Variants in XPOT observed in about 807,000 individuals in gnomAD.
The protein encoded by XPOT is exportin for tRNA.
XPOT carries 34 observed loss-of-function variants against 128.2 expected under a neutral mutation model. The ratio of observed to expected loss-of-function variants is 0.27; its 90% confidence interval spans 0.20 to 0.35. The LOEUF (loss-of-function observed/expected upper bound fraction) is 0.35. Among genes scored for constraint, XPOT ranks in the 10% least tolerant of loss-of-function variants. XPOT has a pLI of 1.00. For synonymous variants in XPOT, 348 were observed against 394.3 expected, an observed-to-expected ratio of 0.88 and a Z score of 1.39; for missense variants, 838 against 1,125.3, an observed-to-expected ratio of 0.74 and a Z score of 3.65.
intron 1 of XPOT, among the ~76,000 whole-genome samples, chr12:64,406,899 G>A (rs2039988905): frequency 6.6e-6 from 1 of 152,052 alleles, no homozygotes; most frequent in African/African-American, 2.4e-5. Context: ...GCCCCAAGTC[G>A]TTTCCATTCC....
At chr12:64,447,169 A>G (rs999672415) in intron 24 of XPOT, among the ~76,000 whole-genome samples, 64 of 152,156 alleles carry the variant, frequency 4.2e-4, no homozygotes, top group Non-Finnish European at 5.6e-4. Flanking sequence ...CCATGATTCA[A>G]TCATCTCCCA....
At chr12:64,427,117 C>CTTT (rs869255660) in intron 15 of XPOT, among the ~76,000 whole-genome samples, 8 of 128,742 alleles carry the variant, frequency 6.2e-5, no homozygotes, top group South Asian at 2.5e-4. Flanking sequence ...TACTCCCGAC[C>CTTT]TTTTTTTTTT....
chr12:64,424,573 A>G, intron 11 of XPOT, 26 bp from the exon 12 acceptor site: 1 of 1,609,270 alleles, frequency 6.2e-7, no homozygotes, highest in South Asian at 1.1e-5. Context: ...AAGTTTTTTG[A>G]ATGAGGATTT....
intron 23 of XPOT, 98 bp from the exon 24 acceptor site, chr12:64,444,972 TAAAAA>T: frequency 1.6e-6 from 1 of 608,056 alleles, no homozygotes; most frequent in Non-Finnish European, 2.5e-6. Context: ...GACCATCTCT[TAAAAA>T]AAAAAAAAAA....
At chr12:64,415,108 T>C in intron 3 of XPOT, 119 bp downstream of exon 3, 1 of 667,180 alleles carries the variant, frequency 1.5e-6, no homozygotes, top group Non-Finnish European at 2.6e-6. Flanking sequence ...TTTTTTTTTT[T>C]TGCAAAGCCA....
chr12:64,434,986 T>C, intron 21 of XPOT, 77 bp downstream of exon 21: 2 of 1,235,158 alleles, frequency 1.6e-6, no homozygotes, highest in Non-Finnish European at 2.3e-6. Context: ...AGGTTGATTA[T>C]ATTATGTTTC....
chr12:64,417,950 T>C lies in XPOT; in HGVS notation c.201-96T>C, dbSNP rs2040102849. The C allele has an allele frequency of 2.3e-5, 20 of 887,080 alleles. No individual in the cohort carries two copies. The East Asian group carries it at 5.2e-4, about 23-fold the overall frequency. The allele number at this position is 887,080 out of a possible 1,614,324, so 55.0% of individuals were successfully genotyped here. ...GGGAACTTCAGATAATTGAGAGCTA[T>C]ACAAATTTTCCCTTTCAAATATATG... is the stretch of plus-strand genomic sequence containing the variant. On this transcript the variant is annotated intron_variant, in intron 4 of 24. Coordinates refer to ENST00000332707, the MANE Select transcript of XPOT (RefSeq NM_007235.6).
Position 64,425,777 on chromosome 12 carries a change from A to T in XPOT, c.1573-38A>T, listed in dbSNP as rs553069364. On this transcript the variant is annotated intron_variant, in intron 14 of 24. Transcript: ENST00000332707. Reference sequence around the variant, plus strand: ...CAGGACAATATCAACAAAACCCTTGAAAAAATGCAGAAATAGTAAAAGTGT... The same window carrying T: ...CAGGACAATATCAACAAAACCCTTGTAAAAATGCAGAAATAGTAAAAGTGT... 4.7e-5 allele frequency: 75 copies of T among 1,596,616 alleles called. 2 individuals are homozygous for T. The South Asian group carries it at 8.0e-4, about 17-fold the overall frequency.
intron 5 of XPOT, 102 bp downstream of exon 5, chr12:64,418,217 T>A: frequency 4.4e-6 from 4 of 904,270 alleles, no homozygotes; most frequent in Middle Eastern, 3.3e-4. Context: ...TCAGTGTTCC[T>A]CCATTTGATT....
At chr12:64,419,601 G>A (rs1314220614) in intron 6 of XPOT, among the ~76,000 whole-genome samples, 1 of 152,152 alleles carries the variant, frequency 6.6e-6, no homozygotes, top group African/African-American at 2.4e-5. Context: ...GAGCCACTGC[G>A]CCCAGCCTAA....
intron 15 of XPOT, among the ~76,000 whole-genome samples, chr12:64,427,101 T>G: frequency 6.6e-6 from 1 of 151,052 alleles, no homozygotes; most frequent in East Asian, 1.9e-4. Context: ...TCAGGTCAGG[T>G]AGATGTACTC....
chr12:64,414,823 C>T (rs769580539), intron 2 of XPOT, 84 bp from the exon 3 acceptor site: 1 of 827,322 alleles, frequency 1.2e-6, no homozygotes, highest in Non-Finnish European at 2.1e-6. Flanking sequence ...TATAGGTTTG[C>T]AACTCTCAGA....
At chr12:64,411,535 G>A (rs562844411) in intron 2 of XPOT, among the ~76,000 whole-genome samples, 59 of 152,242 alleles carry the variant, frequency 3.9e-4, no homozygotes, top group African/African-American at 1.4e-3. Flanking sequence ...TAATACAGAA[G>A]CTCTGCTTTT....
Position 64,425,824 on chromosome 12 carries a change from T to A in XPOT, c.1582T>A (p.Leu528Ile). The change falls in exon 15 of 25, where the codon TTA becomes ATA. Residue 528 changes from leucine to isoleucine, a missense_variant. Physicochemically the swap from Leu to Ile is conservative, Grantham distance 5 (BLOSUM62 2). Coordinates refer to ENST00000332707, the MANE Select transcript of XPOT (RefSeq NM_007235.6). ...QHIPCVLMAF[L>I]DHRGLRHSSA... ...GTGTCTCCTTCTTTAGATGGCTTTCTTAGATCACAGAGGTCTGCGGCATTC... is the reference window on the plus strand; with the variant it reads ...GTGTCTCCTTCTTTAGATGGCTTTCATAGATCACAGAGGTCTGCGGCATTC... 6.2e-7 allele frequency: 1 copy of A among 1,613,962 alleles called. No homozygotes were observed. Among genetic ancestry groups the A allele is most frequent in the Non-Finnish European group, 8.5e-7 (1 of 1,179,954 alleles).
rs1345566836 is a variant in XPOT, at chr12:64,431,643, C to G, written c.2082C>G (p.Pro694=). ...LQTFLPALSC[P]LQKDILRSGV... The stretch of plus-strand genomic sequence containing the variant: ...CATTCTTGCCAGCCCTCAGTTGTCC[C>G]TTACAAAAGGATATTCTCAGAAGTG... Residue 694 remains proline, a synonymous_variant, in exon 18 of 25, where the codon CCC becomes CCG. Transcript: ENST00000332707. 6.2e-7 allele frequency: 1 copy of G among 1,613,788 alleles called. No homozygotes were observed. Among genetic ancestry groups the G allele is most frequent in the African/African-American group, 1.3e-5 (1 of 74,908 alleles).
rs1364613484 is a variant in XPOT, at chr12:64,448,428, A to G, written c.*297A>G. The G allele has an allele frequency of 3.1e-6, 1 of 325,490 alleles. No homozygotes were observed. The highest frequency in any genetic ancestry group is 5.6e-6 in the Non-Finnish European group (1 of 177,066). The allele number at this position is 325,490 out of a possible 1,614,324, so 20.2% of individuals were successfully genotyped here. On this transcript the variant is annotated 3_prime_UTR_variant, in exon 25 of 25. Coordinates refer to ENST00000332707, the MANE Select transcript of XPOT (RefSeq NM_007235.6). ...TTTGAAATTTTAAGTCAAGTCCTTTATAAAGACCATAGCAGTGGAAAACAG... is the reference window on the plus strand; with the variant it reads ...TTTGAAATTTTAAGTCAAGTCCTTTGTAAAGACCATAGCAGTGGAAAACAG...
chr12:64,406,400 C>T (rs1298390475), intron 1 of XPOT, among the ~76,000 whole-genome samples: 1 of 147,750 alleles, frequency 6.8e-6, no homozygotes, highest in South Asian at 2.2e-4. Context: ...TGGAGTTTCG[C>T]TCTCGTTGAC....
chr12:64,420,326 G>A (rs2040126740), intron 7 of XPOT, 27 bp from the exon 8 acceptor site: 2 of 1,603,132 alleles, frequency 1.2e-6, no homozygotes, highest in Non-Finnish European at 1.7e-6. Context: ...CTTTGAAAAT[G>A]TTACAATTTT....
Position 64,418,972 on chromosome 12 carries a change from A to G in XPOT, c.367A>G (p.Lys123Glu). The change falls in exon 6 of 25, where the codon AAG becomes GAG. Residue 123 changes from lysine to glutamate, a missense_variant. Physicochemically the swap from Lys to Glu is moderately conservative, Grantham distance 56. This residue lies in a region of XPOT where 761 missense variants were observed against 988.3 expected (regional missense o/e 0.77). Coordinates refer to ENST00000332707, the MANE Select transcript of XPOT (RefSeq NM_007235.6). ...TACAGAGTATCTCACTAAGTGGCCC[A>G]AGTTTTTTTTTGACATTCTCTCAGT... ...FVTEYLTKWP[K>E]FFFDILSVVD... 6.2e-7 allele frequency: 1 copy of G among 1,614,068 alleles called. No homozygotes were observed. The highest frequency in any genetic ancestry group is 8.5e-7 in the Non-Finnish European group (1 of 1,180,010).
Sources: gnomAD v4.1 joint callset for allele counts (sites outside exome capture counted in the v4.1 genomes callset) on GRCh38, gnomAD v4.1.1 for gene constraint, gnomAD v4.1.1 regional missense constraint, MANE v1.5 for transcripts, NCBI Gene and HGNC (gene_info 2026-07-23, HGNC 2026-07-21) for gene names.